Variants in GSDMA observed in about 807,000 individuals in gnomAD.
GSDMA encodes the protein gasdermin-A.
Under a neutral mutation model 54.3 loss-of-function variants are expected in GSDMA, and 55 were observed. That is an observed-to-expected ratio of 1.01 (90% CI 0.82 to 1.27). The LOEUF (loss-of-function observed/expected upper bound fraction) is 1.27, where lower values mean the gene tolerates loss of function less well. GSDMA is among the 50% of genes most tolerant of loss of function. The probability of loss-of-function intolerance (pLI) is 0.00; values close to 1 mark genes in which losing one functional copy is unlikely to be tolerated. For synonymous variants in GSDMA, 211 were observed against 224.7 expected, an observed-to-expected ratio of 0.94 and a Z score of 0.54; for missense variants, 542 against 542.6, an observed-to-expected ratio of 1.00 and a Z score of 0.01.
rs757275609 is a variant in GSDMA at position 39,965,883 on chromosome 17, C to A, written c.196C>A (p.Pro66Thr). The A allele has an allele frequency of 3.2e-6, 5 of 1,554,684 alleles. No individual in the cohort carries two copies. The highest frequency in any genetic ancestry group is 3.5e-6 in the Non-Finnish European group (4 of 1,149,124). ...TDYTLLDVLE[P>T]GSSPSDPTDT... The stretch of plus-strand genomic sequence containing the variant: ...CTACACGCTGCTGGATGTGCTTGAG[C>A]CCGGCAGCTCACCTTCAGGTCAGCC... The change falls in exon 2 of 12, where the codon CCC becomes ACC. Residue 66 changes from proline (P) to threonine (T), a missense_variant. Coordinates refer to ENST00000301659, the MANE Select transcript of GSDMA (RefSeq NM_178171.5).
intron 9 of GSDMA, 55 bp from the exon 10 acceptor site, chr17:39,974,845 C>G (rs1314647965): frequency 6.2e-6 from 6 of 973,332 alleles, no homozygotes; most frequent in Non-Finnish European, 9.6e-6. Context: ...GTGCTGGGCC[C>G]TGGGTTGGGC....
In GSDMA at chr17:39,977,282, C is replaced by T; in HGVS notation, c.*224C>T. ...TCTGCTGATGCTTAAATTTTCTTTA[C>T]TTTTCTTTTCTTTTTTTTTTTTTTT... is the stretch of plus-strand genomic sequence containing the variant. On this transcript the variant is annotated 3_prime_UTR_variant, in exon 12 of 12. Transcript: ENST00000301659. 3.4e-6 allele frequency: 1 copy of T among 291,594 alleles called. No homozygotes were observed. The highest frequency in any genetic ancestry group is 5.9e-5 in the South Asian group (1 of 17,004). 18.1% of individuals were successfully genotyped at this position (291,594 alleles called of 1,614,324 possible). A position where few individuals can be genotyped will look rare whatever the true frequency, so the allele number is the denominator to read the frequency against.
intron 9 of GSDMA, 106 bp from the exon 10 acceptor site, chr17:39,974,794 C>A: frequency 1.4e-6 from 1 of 703,194 alleles, no homozygotes; most frequent in Non-Finnish European, 2.5e-6. Context: ...AAAAAGAAAT[C>A]AGGAAATGGA....
rs10549101 is a variant in GSDMA at position 39,976,276 on chromosome 17, A to AT, written c.1095+298dup. 3.1e-3 allele frequency among the ~76,000 whole-genome samples: 436 copies of AT among 142,782 alleles called. 4 individuals are homozygous for AT. The highest frequency in any genetic ancestry group is 0.02 in the Admixed American group (282 of 14,304). 93.7% of individuals were successfully genotyped at this position (142,782 alleles called of 152,430 possible). ...ATTCCTAGCCAAATATTGTAAGCAA[A>AT]TTTTTTTTTTTTTTTTTTTGAGATA... On this transcript the variant is annotated intron_variant, in intron 11 of 11. Coordinates refer to ENST00000301659, the MANE Select transcript of GSDMA (RefSeq NM_178171.5).
chr17:39,976,060 G>C, intron 11 of GSDMA, 63 bp downstream of exon 11: 1 of 1,287,746 alleles, frequency 7.8e-7, no homozygotes, highest in Non-Finnish European at 1.1e-6. Flanking sequence ...TGGAGATGCA[G>C]ATTTCGCCTA....
At chr17:39,963,578 G>C (rs12451100) in intron 1 of GSDMA, among the ~76,000 whole-genome samples, 1 of 152,022 alleles carries the variant, frequency 6.6e-6, no homozygotes, top group Non-Finnish European at 1.5e-5. Context: ...CTCAGGTCAG[G>C]TGCGGTGGCT....
At position 39,974,432 on chromosome 17, in the gene GSDMA, G is replaced by A. The variant is rs765431568; in HGVS notation, c.906+5G>A. 1.3e-6 allele frequency: 2 copies of A among 1,568,264 alleles called. No individual in the cohort carries two copies. The highest frequency in any genetic ancestry group is 8.6e-7 in the Non-Finnish European group (1 of 1,156,972). On this transcript the variant is annotated splice_donor_5th_base_variant and intron_variant, in intron 9 of 11. Transcript: ENST00000301659. ...CTACAAGACCTTGAGCTCGCAGTGA[G>A]GACCTAGTGGAAGTGGGGAAGGGTG...
At chr17:39,967,772 A>T (rs2144786899) in intron 3 of GSDMA, among the ~76,000 whole-genome samples, 1 of 152,282 alleles carries the variant, frequency 6.6e-6, no homozygotes, top group Non-Finnish European at 1.5e-5. Context: ...TCCCAGGTTC[A>T]AGCAATTCTC....
intron 3 of GSDMA, among the ~76,000 whole-genome samples, chr17:39,969,516 G>C (rs1322609452): frequency 6.6e-6 from 1 of 152,106 alleles, no homozygotes; most frequent in Non-Finnish European, 1.5e-5. Flanking sequence ...GGAACTAGAA[G>C]TACTGGAGTT....
Position 39,972,111 on chromosome 17 carries a change from C to CCCCA in GSDMA, c.656-18_656-17insCCCA. On this transcript the variant is annotated splice_polypyrimidine_tract_variant and intron_variant, in intron 5 of 11. Transcript: ENST00000301659. Reference sequence around the variant, plus strand: ...GCTGCTAAGTGTCCTCCCACCCTCCCTCCCTTGCCCTTCACAGATATTCCA... The same window carrying CCCCA: ...GCTGCTAAGTGTCCTCCCACCCTCCCCCCATCCCTTGCCCTTCACAGATATTCCA... The CCCCA allele has an allele frequency of 1.6e-6, 2 of 1,278,808 alleles. No homozygotes were observed. The highest frequency in any genetic ancestry group is 2.3e-6 in the Non-Finnish European group (2 of 884,970). 79.2% of individuals were successfully genotyped at this position (1,278,808 alleles called of 1,614,324 possible).
At chr17:39,967,888 C>T (rs1053050020) in intron 3 of GSDMA, among the ~76,000 whole-genome samples, 3 of 150,732 alleles carry the variant, frequency 2.0e-5, no homozygotes, top group Admixed American at 6.6e-5. Flanking sequence ...GATGGAGTCT[C>T]GCTCTGTCGC....
intron 9 of GSDMA, 32 bp from the exon 10 acceptor site, chr17:39,974,868 T>C: frequency 7.7e-7 from 1 of 1,304,992 alleles, no homozygotes; most frequent in South Asian, 1.2e-5. Context: ...TTTCCTATGT[T>C]ATCTTCAATA....
Position 39,972,113 on chromosome 17 carries a change from CCCTTG to C in GSDMA, c.656-13_656-9del. On this transcript the variant is annotated splice_polypyrimidine_tract_variant and intron_variant, in intron 5 of 11. Coordinates refer to ENST00000301659, the MANE Select transcript of GSDMA (RefSeq NM_178171.5). ...TGCTAAGTGTCCTCCCACCCTCCCT[CCCTTG>C]CCCTTCACAGATATTCCACATATCT... 7.5e-7 allele frequency: 1 copy of C among 1,326,172 alleles called. No individual in the cohort carries two copies. 82.2% of individuals were successfully genotyped at this position (1,326,172 alleles called of 1,614,324 possible). A position where few individuals can be genotyped will look rare whatever the true frequency, so the allele number is the denominator to read the frequency against.
At chr17:39,965,302 GAGAAATAAATAA>G (rs748287291) in intron 1 of GSDMA, among the ~76,000 whole-genome samples, 12 of 114,386 alleles carry the variant, frequency 1.0e-4, no homozygotes, top group Non-Finnish European at 2.2e-4. Context: ...AAGAAAGAAA[GAGAAATAAATAA>G]AGAAAGAAAG....
Position 39,970,465 on chromosome 17 carries a change from T to C in GSDMA, c.393-17T>C. ...GAAGGAGCTCTGAACGGTTCCCTTA[T>C]GTTTCTCCTGCAACAGGAAGCTGGC... On this transcript the variant is annotated splice_polypyrimidine_tract_variant and intron_variant, in intron 3 of 11. Transcript: ENST00000301659. The C allele has an allele frequency of 6.4e-7, 1 of 1,561,564 alleles. No homozygotes were observed. Among genetic ancestry groups the C allele is most frequent in the South Asian group, 1.2e-5 (1 of 83,378 alleles).
In GSDMA at chr17:39,977,211, C is replaced by G. The variant is rs1980239377; in HGVS notation, c.*153C>G. On this transcript the variant is annotated 3_prime_UTR_variant, in exon 12 of 12. Transcript: ENST00000301659. The stretch of plus-strand genomic sequence containing the variant: ...GATAACCAACTTCCACCTGCCCAAC[C>G]ATATATCACCCCCTACCCCTCCAGC... 6.2e-6 allele frequency: 5 copies of G among 809,480 alleles called. No individual in the cohort carries two copies. In the Admixed American group the frequency reaches 9.6e-5, roughly 16 times the overall value. 50.1% of individuals were successfully genotyped at this position (809,480 alleles called of 1,614,324 possible). A position where few individuals can be genotyped will look rare whatever the true frequency, so the allele number is the denominator to read the frequency against.
intron 7 of GSDMA, among the ~76,000 whole-genome samples, chr17:39,973,319 G>C (rs1980045721): frequency 6.7e-6 from 1 of 149,480 alleles, no homozygotes; most frequent in Non-Finnish European, 1.5e-5. Flanking sequence ...GCCCAGACTG[G>C]AGTGCAAAGG....
Position 39,976,888 on chromosome 17 carries a change from T to C in GSDMA, c.1168T>C (p.Ser390Pro), listed in dbSNP as rs180808878. Reference protein sequence around the residue: ...GVFPLQPELLSSLGDEELTLT... With the variant: ...GVFPLQPELLPSLGDEELTLT... ...TTTCCCCCTGCAACCTGAGCTGCTC[T>C]CCTCCCTTGGGGACGAGGAGCTGAC... is the stretch of plus-strand genomic sequence containing the variant. The change falls in exon 12 of 12, where the codon TCC becomes CCC. Residue 390 changes from serine to proline, a missense_variant. Ser to Pro is a moderately conservative substitution (Grantham distance 74). Coordinates refer to ENST00000301659, the MANE Select transcript of GSDMA (RefSeq NM_178171.5). 66 of 1,613,876 alleles carry C rather than the reference T, an allele frequency of 4.1e-5. No individual in the cohort carries two copies. The East Asian group carries it at 6.9e-4, about 17-fold the overall frequency.
chr17:39,973,262 G>A (rs1224214664), intron 7 of GSDMA, among the ~76,000 whole-genome samples: 4 of 132,706 alleles, frequency 3.0e-5, no homozygotes, highest in African/African-American at 8.5e-5. Context: ...CGTGAGCCAC[G>A]GCGCCTGGCC....
Sources: gnomAD v4.1 joint callset for allele counts (sites outside exome capture counted in the v4.1 genomes callset) on GRCh38, gnomAD v4.1.1 for gene constraint, MANE v1.5 for transcripts, NCBI Gene and HGNC (gene_info 2026-07-23, HGNC 2026-07-21) for gene names.